Variants in KCNQ1 observed in about 807,000 individuals in gnomAD.
The protein encoded by KCNQ1 is potassium voltage-gated channel subfamily Q member 1.
KCNQ1 carries 49 observed loss-of-function variants against 72.4 expected under a neutral mutation model. The ratio of observed to expected loss-of-function variants is 0.68; its 90% CI spans 0.54 to 0.86. KCNQ1 has a LOEUF of 0.86. Ranked by LOEUF, KCNQ1 falls within the 40% of genes least tolerant of loss-of-function variation. The probability of loss-of-function intolerance (pLI) is 0.00; values close to 1 mark genes in which losing one functional copy is unlikely to be tolerated. For synonymous variants in KCNQ1, 450 were observed against 412.6 expected (o/e 1.09, Z -1.10); for missense variants, 790 against 945.1 (o/e 0.84, Z 2.15).
At position 2,475,614 on chromosome 11, in the gene KCNQ1, TAGTC is replaced by T. The variant is rs1030989075; in HGVS notation, c.386+30133_386+30136del. Reference sequence around the variant, plus strand: ...GGGCGATTCTAAATGGCTGGAGACATAGTCAGCTGTGAAGCTGTAACTTTCATGA... The same window carrying T: ...GGGCGATTCTAAATGGCTGGAGACATAGCTGTGAAGCTGTAACTTTCATGA... On this transcript the variant is annotated intron_variant, in intron 1 of 15. Coordinates refer to ENST00000155840, the MANE Select transcript of KCNQ1 (RefSeq NM_000218.3). The surrounding 1 kb of genome is among the most constrained non-coding windows in gnomAD (Gnocchi z 5.8). Among the ~76,000 whole-genome samples the T allele has an allele frequency of 2.6e-5, 4 of 152,174 alleles. No homozygotes were observed. The highest frequency in any genetic ancestry group is 7.2e-5 in the African/African-American group (3 of 41,426).
In KCNQ1 at chr11:2,563,022, A is replaced by G. The variant is rs77747128; in HGVS notation, c.478-7606A>G. On this transcript the variant is annotated intron_variant, in intron 2 of 15. Transcript: ENST00000155840. The surrounding 1 kb of genome is among the most constrained non-coding windows in gnomAD (Gnocchi z 7.4). The stretch of plus-strand genomic sequence containing the variant: ...TCCTTTATGTTTTGCAAAAAAATCT[A>G]TATATTTCATCCAGAGAGACAGGAT... Among the ~76,000 whole-genome samples the G allele has an allele frequency of 1.4e-3, 213 of 152,296 alleles. 1 individual carries two copies. In the East Asian group the frequency reaches 0.025, roughly 18 times the overall value.
rs994272216 is a variant in KCNQ1, at chr11:2,491,993, A to G, written c.387-35935A>G. ...TATATCTGGTGAAAATATCCTTCCA[A>G]CATGAAGGAGAAATACAGACCTTCC... On this transcript the variant is annotated intron_variant, in intron 1 of 15. Coordinates refer to ENST00000155840, the MANE Select transcript of KCNQ1 (RefSeq NM_000218.3). The surrounding 1 kb of genome is among the most constrained non-coding windows in gnomAD (Gnocchi z 4.1). Among the ~76,000 whole-genome samples, 3 of 152,192 alleles carry G rather than the reference A, an allele frequency of 2.0e-5. No homozygotes were observed. Among genetic ancestry groups the G allele is most frequent in the Admixed American group, 6.5e-5 (1 of 15,274 alleles).
intron 11 of KCNQ1, chr11:2,675,935 C>G (rs1475587310): frequency 1.3e-5 from 5 of 398,594 alleles, no homozygotes; most frequent in Non-Finnish European, 2.2e-5. Context: ...TCTTTACACA[C>G]ATGGTAAAAC....
Position 2,670,917 on chromosome 11 carries a change from C to T in KCNQ1, c.1514+8836C>T. On this transcript the variant is annotated intron_variant, in intron 11 of 15. Coordinates refer to ENST00000155840, the MANE Select transcript of KCNQ1 (RefSeq NM_000218.3). The surrounding 1 kb of genome is among the most constrained non-coding windows in gnomAD (Gnocchi z 4.9). Reference sequence around the variant, plus strand: ...CCTGGACAAGGCTGACCTGCCCTCCCAGGATGCAAATTGGCAGGCCCAGCT... The same window carrying T: ...CCTGGACAAGGCTGACCTGCCCTCCTAGGATGCAAATTGGCAGGCCCAGCT... The T allele has an allele frequency of 2.5e-6, 1 of 398,682 alleles. No individual in the cohort carries two copies. Among genetic ancestry groups the T allele is most frequent in the Non-Finnish European group, 4.4e-6 (1 of 226,088 alleles). The allele number at this position is 398,682 out of a possible 1,614,324, so 24.7% of individuals were successfully genotyped here.
chr11:2,586,009 G>A lies in KCNQ1; in HGVS notation c.1128+702G>A, dbSNP rs74495359. On this transcript the variant is annotated intron_variant, in intron 8 of 15. Coordinates refer to ENST00000155840, the MANE Select transcript of KCNQ1 (RefSeq NM_000218.3). ...GGCACAGGAGTCACTTGAGAATTGC[G>A]TCCCTGTGGGTCTCTCTTGTTGGCC... Among the ~76,000 whole-genome samples the A allele has an allele frequency of 3.7e-3, 556 of 152,320 alleles. 4 individuals carry two copies. Among genetic ancestry groups the A allele is most frequent in the African/African-American group, 0.012 (508 of 41,570 alleles).
intron 8 of KCNQ1, among the ~76,000 whole-genome samples, chr11:2,587,344 C>G (rs918942430): frequency 7.9e-5 from 12 of 152,204 alleles, no homozygotes; most frequent in Admixed American, 6.5e-4. Flanking sequence ...ACAATTAGCC[C>G]ATGAGGCAGT....
chr11:2,635,024 G>C (rs1381113257), intron 10 of KCNQ1: 1 of 152,118 alleles, frequency 6.6e-6, no homozygotes, highest in East Asian at 1.9e-4. Context: ...CTTTTTGATA[G>C]GGTTGTTTGT....
chr11:2,452,822 G>A (rs1846134978), intron 1 of KCNQ1, among the ~76,000 whole-genome samples: 1 of 152,166 alleles, frequency 6.6e-6, no homozygotes, highest in African/African-American at 2.4e-5. Flanking sequence ...TTTCGTAAAA[G>A]AGGCAGCATC....
At chr11:2,578,719 C>CG (rs1322096809) in intron 6 of KCNQ1, among the ~76,000 whole-genome samples, 2 of 152,246 alleles carry the variant, frequency 1.3e-5, no homozygotes, top group Non-Finnish European at 2.9e-5. Flanking sequence ...TTGGGTGCTG[C>CG]GCTCTCCTGA....
chr11:2,511,263 A>G (rs1354560629), intron 1 of KCNQ1, among the ~76,000 whole-genome samples: 1 of 152,060 alleles, frequency 6.6e-6, no homozygotes, highest in Non-Finnish European at 1.5e-5. Flanking sequence ...GGCAGCCCCT[A>G]CTGTTCCTGG....
Position 2,661,940 on chromosome 11 carries a change from G to A in KCNQ1, c.1394-21G>A, listed in dbSNP as rs755383531. The A allele has an allele frequency of 1.2e-6, 2 of 1,614,110 alleles. No homozygotes were observed. Among genetic ancestry groups the A allele is most frequent in the East Asian group, 2.2e-5 (1 of 44,884 alleles). On this transcript the variant is annotated intron_variant, in intron 10 of 15. Transcript: ENST00000155840. The surrounding 1 kb of genome is among the most constrained non-coding windows in gnomAD (Gnocchi z 5.9). Reference sequence around the variant, plus strand: ...GGTTGGGTGGGAGGCCTAACGTGCTGTCCCCACACTTTCTCCTCAGTAAGG... The same window carrying A: ...GGTTGGGTGGGAGGCCTAACGTGCTATCCCCACACTTTCTCCTCAGTAAGG...
At chr11:2,459,241 C>A (rs1240354197) in intron 1 of KCNQ1, among the ~76,000 whole-genome samples, 1 of 152,172 alleles carries the variant, frequency 6.6e-6, no homozygotes, top group East Asian at 1.9e-4. Context: ...CCCCGTGGCG[C>A]CCGGTGGTGT....
chr11:2,684,338 A>G (rs1850448680), intron 11 of KCNQ1: 1 of 398,618 alleles, frequency 2.5e-6, no homozygotes, highest in East Asian at 3.6e-5. Flanking sequence ...TGGCCCAGGT[A>G]TGTGTTTGAG....
intron 2 of KCNQ1, among the ~76,000 whole-genome samples, chr11:2,561,613 C>G (rs903491874): frequency 1.3e-5 from 2 of 152,254 alleles, no homozygotes; most frequent in Non-Finnish European, 2.9e-5. Flanking sequence ...GGTCCCCCGC[C>G]TGGGATGCCA....
rs1477584066 is a variant in KCNQ1, at chr11:2,647,129, A to C, written c.1394-14832A>C. 15 of 398,186 alleles carry C rather than the reference A, an allele frequency of 3.8e-5. No individual in the cohort carries two copies. In the East Asian group the frequency reaches 5.3e-4, roughly 14 times the overall value. The allele number at this position is 398,186 out of a possible 1,614,324, so 24.7% of individuals were successfully genotyped here. On this transcript the variant is annotated intron_variant, in intron 10 of 15. Transcript: ENST00000155840. The surrounding 1 kb of genome is among the most constrained non-coding windows in gnomAD (Gnocchi z 4.0). ...TGTGGGTTTGTCATATATGACCTTCATTGAGTTATGTTCCTTCTAGACATT... is the reference window on the plus strand; with the variant it reads ...TGTGGGTTTGTCATATATGACCTTCCTTGAGTTATGTTCCTTCTAGACATT...
intron 2 of KCNQ1, among the ~76,000 whole-genome samples, chr11:2,570,215 C>G (rs1267476558): frequency 5.1e-4 from 72 of 141,846 alleles, no homozygotes; most frequent in African/African-American, 1.8e-3. Flanking sequence ...TTCCTGGCGT[C>G]GGACGCCCTC....
At chr11:2,832,283 G>A (rs1205470939) in intron 15 of KCNQ1, among the ~76,000 whole-genome samples, 1 of 152,238 alleles carries the variant, frequency 6.6e-6, no homozygotes, top group Non-Finnish European at 1.5e-5. Context: ...GGAGGTACCA[G>A]AGGGCTGAAC....
rs1456666085 is a variant in KCNQ1, at chr11:2,653,304, A to G, written c.1394-8657A>G. The stretch of plus-strand genomic sequence containing the variant: ...GGGGGCAGTGCAGACCAGTTTAGCT[A>G]TTTTGTAACCTTGACTGCCCCCAGG... On this transcript the variant is annotated intron_variant, in intron 10 of 15. Coordinates refer to ENST00000155840, the MANE Select transcript of KCNQ1 (RefSeq NM_000218.3). This position sits in a 1 kb window ranked among gnomAD's most constrained non-coding sequence, Gnocchi z 5.3. 1 of 398,502 alleles carries G rather than the reference A, an allele frequency of 2.5e-6. No individual in the cohort carries two copies. Among genetic ancestry groups the G allele is most frequent in the Non-Finnish European group, 4.4e-6 (1 of 226,106 alleles). 24.7% of individuals were successfully genotyped at this position (398,502 alleles called of 1,614,324 possible).
At chr11:2,717,539 C>T (rs1851113888) in intron 11 of KCNQ1, among the ~76,000 whole-genome samples, 1 of 152,184 alleles carries the variant, frequency 6.6e-6, no homozygotes, top group Non-Finnish European at 1.5e-5. Flanking sequence ...CTCTGCCCCA[C>T]CAGGGCCTGG....
Sources: allele counts gnomAD v4.1 joint callset (sites outside exome capture counted in the v4.1 genomes callset), GRCh38; gene constraint gnomAD v4.1.1; non-coding constraint Gnocchi (gnomAD v3.1); transcripts MANE v1.5; gene names NCBI Gene and HGNC (gene_info 2026-07-23, HGNC 2026-07-21).